The following B3GALT1 variants were observed in gnomAD, a reference collection of about 807,000 sequenced individuals.
B3GALT1 encodes the protein beta-1,3-galactosyltransferase 1, also known as UDP-Gal:betaGlcNAc beta 1,3-galactosyltransferase, polypeptide 1.
B3GALT1 carries 10 observed loss-of-function variants against 23.2 expected under a neutral mutation model. The observed-to-expected ratio is 0.43, with a 90% CI of 0.27 to 0.73. B3GALT1 has a LOEUF of 0.73. B3GALT1 is among the 30% of genes least tolerant of loss of function. The pLI, the probability that B3GALT1 is intolerant of heterozygous loss-of-function variation, is 0.21. For synonymous variants in B3GALT1, 156 were observed against 141.5 expected, an observed-to-expected ratio of 1.10 and a Z score of -0.73; for missense variants, 299 against 405.4, an observed-to-expected ratio of 0.74 and a Z score of 2.25.
chr2:167,295,495 C>T (rs1020173005), intron 1 of B3GALT1, among the ~76,000 whole-genome samples: 1 of 151,970 alleles, frequency 6.6e-6, no homozygotes, highest in Admixed American at 6.6e-5. Context: ...TTGTTTTCCT[C>T]ATAGGTTAAT....
intron 1 of B3GALT1, among the ~76,000 whole-genome samples, chr2:167,477,219 G>A (rs1699499945): frequency 6.6e-6 from 1 of 152,146 alleles, no homozygotes; most frequent in Non-Finnish European, 1.5e-5. Context: ...TGGACAAAAG[G>A]GAAGAAGGAC....
chr2:167,508,743 T>A (rs987918796), intron 2 of B3GALT1, among the ~76,000 whole-genome samples: 3 of 151,958 alleles, frequency 2.0e-5, no homozygotes, highest in African/African-American at 7.3e-5. Flanking sequence ...AGATGATACA[T>A]AGTAAGTACA....
chr2:167,297,116 T>C (rs1246876715), intron 1 of B3GALT1, among the ~76,000 whole-genome samples: 1 of 152,128 alleles, frequency 6.6e-6, no homozygotes, highest in Non-Finnish European at 1.5e-5. Context: ...TAACATGATA[T>C]GATATCTGTC....
At chr2:167,835,999 C>G (rs1032168886) in intron 4 of B3GALT1, among the ~76,000 whole-genome samples, 6 of 152,158 alleles carry the variant, frequency 3.9e-5, no homozygotes, top group African/African-American at 1.4e-4. Context: ...AACTAACAAA[C>G]AGAAAGGACA....
At chr2:167,587,904 G>A (rs1684608902) in intron 2 of B3GALT1, among the ~76,000 whole-genome samples, 1 of 152,142 alleles carries the variant, frequency 6.6e-6, no homozygotes, top group Admixed American at 6.5e-5. Flanking sequence ...TTATTTTACT[G>A]TCCTTTAGAA....
At chr2:167,441,684 C>T (rs1186656024) in intron 1 of B3GALT1, among the ~76,000 whole-genome samples, 1 of 152,034 alleles carries the variant, frequency 6.6e-6, no homozygotes, top group Non-Finnish European at 1.5e-5. Flanking sequence ...TTCAGATGCT[C>T]TCTGGTTTTA....
Position 167,851,192 on chromosome 2 carries a change from A to C in B3GALT1, c.-229-17619A>C, listed in dbSNP as rs1017866817. Among the ~76,000 whole-genome samples the C allele has an allele frequency of 1.0e-4, 11 of 109,682 alleles. No homozygotes were observed. The East Asian group carries it at 4.1e-3, about 41-fold the overall frequency. The allele number at this position is 109,682 out of a possible 152,430, so 72.0% of individuals were successfully genotyped here. Reference sequence around the variant, plus strand: ...TTCTCAAAGGCAATAAAGTCGTCAAATACACTGTTAGAGGTTAAAAAAATC... The same window carrying C: ...TTCTCAAAGGCAATAAAGTCGTCAACTACACTGTTAGAGGTTAAAAAAATC... On this transcript the variant is annotated intron_variant, in intron 4 of 4. Transcript: ENST00000392690.
Position 167,869,791 on chromosome 2 carries a change from T to C in B3GALT1, c.752T>C (p.Ile251Thr). Reference sequence around the variant, plus strand: ...TTTTCAGCCGATGTAGCTGAACTCATTTACAAGACCTCACTCCACACAAGG... The same window carrying C: ...TTTTCAGCCGATGTAGCTGAACTCACTTACAAGACCTCACTCCACACAAGG... ...YIFSADVAEL[I>T]YKTSLHTRLL... is the part of the protein sequence containing the mutation. The change falls in exon 5 of 5, where the codon ATT (isoleucine) becomes ACT (threonine). Residue 251 changes from isoleucine to threonine, a missense_variant. Physicochemically the swap from Ile to Thr is moderately conservative, Grantham distance 89. Transcript: ENST00000392690. This position sits in a 1 kb window ranked among gnomAD's most constrained non-coding sequence, Gnocchi z 6.4. 1.9e-6 allele frequency: 3 copies of C among 1,614,132 alleles called. No homozygotes were observed. Among genetic ancestry groups the C allele is most frequent in the Non-Finnish European group, 2.5e-6 (3 of 1,180,008 alleles).
At chr2:167,827,036 C>T (rs1226947764) in intron 4 of B3GALT1, among the ~76,000 whole-genome samples, 1 of 152,132 alleles carries the variant, frequency 6.6e-6, no homozygotes, top group Non-Finnish European at 1.5e-5. Context: ...TACCAAATGT[C>T]CTCGACACCA....
intron 3 of B3GALT1, among the ~76,000 whole-genome samples, chr2:167,686,944 C>T (rs1686626717): frequency 6.6e-6 from 1 of 152,174 alleles, no homozygotes; most frequent in Non-Finnish European, 1.5e-5. Flanking sequence ...GAAGTGGACC[C>T]ACATCCAGAG....
chr2:167,564,697 G>A (rs1009767767), intron 2 of B3GALT1, among the ~76,000 whole-genome samples: 1 of 152,182 alleles, frequency 6.6e-6, no homozygotes, highest in Non-Finnish European at 1.5e-5. Flanking sequence ...CAAATCACAA[G>A]CATTCTTATA....
intron 4 of B3GALT1, among the ~76,000 whole-genome samples, chr2:167,827,085 C>T (rs1364179982): frequency 6.6e-6 from 1 of 152,182 alleles, no homozygotes; most frequent in East Asian, 1.9e-4. Context: ...GAACTCCAGG[C>T]TCCAAGAACA....
chr2:167,530,009 A>G lies in B3GALT1; in HGVS notation c.-410+39732A>G, dbSNP rs533026631. On this transcript the variant is annotated intron_variant, in intron 2 of 4. Transcript: ENST00000392690. ...TTTCAAATCTTTACAATGGCCAGTG[A>G]GACTCTACTTGTCTAGCTCCTGTTT... 5.9e-5 allele frequency among the ~76,000 whole-genome samples: 9 copies of G among 152,220 alleles called. No individual in the cohort carries two copies. In the South Asian group the frequency reaches 1.9e-3, roughly 32 times the overall value.
At chr2:167,654,450 G>A (rs772195544) in intron 3 of B3GALT1, among the ~76,000 whole-genome samples, 41 of 152,048 alleles carry the variant, frequency 2.7e-4, no homozygotes, top group South Asian at 8.3e-4. Context: ...GAAAGTCTGC[G>A]TCAGAATGTT....
chr2:167,649,193 T>G (rs1685811892), intron 3 of B3GALT1, among the ~76,000 whole-genome samples: 1 of 152,144 alleles, frequency 6.6e-6, no homozygotes, highest in Non-Finnish European at 1.5e-5. Context: ...TTAATATTAG[T>G]CAATTTTTCA....
chr2:167,342,602 A>G (rs1281976427), intron 1 of B3GALT1, among the ~76,000 whole-genome samples: 3 of 150,640 alleles, frequency 2.0e-5, no homozygotes, highest in Admixed American at 6.6e-5. Flanking sequence ...AAAAAAAAAA[A>G]GAAAAAAAAA....
chr2:167,334,818 C>T (rs773489490), intron 1 of B3GALT1, among the ~76,000 whole-genome samples: 9 of 152,110 alleles, frequency 5.9e-5, no homozygotes, highest in Admixed American at 1.3e-4. Flanking sequence ...ATTCTGGACT[C>T]CTCTCAAGAA....
intron 4 of B3GALT1, among the ~76,000 whole-genome samples, chr2:167,834,797 C>T (rs1373045212): frequency 1.3e-5 from 2 of 151,322 alleles, no homozygotes; most frequent in African/African-American, 2.4e-5. Flanking sequence ...TGCAGTGAGC[C>T]AAGATTGCAA....
At chr2:167,594,438 A>G (rs1684741705) in intron 2 of B3GALT1, among the ~76,000 whole-genome samples, 1 of 152,218 alleles carries the variant, frequency 6.6e-6, no homozygotes, top group Non-Finnish European at 1.5e-5. Flanking sequence ...GGATTACTAA[A>G]TACACCATAC....
Sources: gnomAD v4.1 joint callset for allele counts (sites outside exome capture counted in the v4.1 genomes callset) on GRCh38, gnomAD v4.1.1 for gene constraint, Gnocchi (gnomAD v3.1) non-coding constraint, MANE v1.5 for transcripts, NCBI Gene and HGNC (gene_info 2026-07-23, HGNC 2026-07-21) for gene names.